Variants in CRACR2A observed in about 807,000 individuals in gnomAD.
CRACR2A encodes EF-hand calcium-binding domain-containing protein 4B.
A neutral mutation model predicts 90.5 loss-of-function variants in CRACR2A; 79 were observed. The ratio of observed to expected loss-of-function variants is 0.87; its 90% CI spans 0.73 to 1.05. The LOEUF is 1.05. Among genes scored for constraint, CRACR2A ranks in the 50% least tolerant of loss-of-function variants. The pLI, the probability that CRACR2A is intolerant of heterozygous loss-of-function variation, is 0.00. For synonymous variants in CRACR2A, 338 were observed against 356.7 expected (o/e 0.95, Z 0.59); for missense variants, 823 against 897.2 (o/e 0.92, Z 1.06).
chr12:3,741,031 C>T (rs1946517076), intron 1 of CRACR2A, among the ~76,000 whole-genome samples: 1 of 152,180 alleles, frequency 6.6e-6, no homozygotes, highest in Non-Finnish European at 1.5e-5. Context: ...TGCCTCCACC[C>T]TCTACATCCC....
intron 1 of CRACR2A, among the ~76,000 whole-genome samples, chr12:3,740,845 C>T (rs1946513825): frequency 6.6e-6 from 1 of 152,176 alleles, no homozygotes; most frequent in Admixed American, 6.5e-5. Context: ...CCTCAGTTTC[C>T]TCACCTTTAA....
intron 10 of CRACR2A, 65 bp downstream of exon 10, chr12:3,654,147 G>A: frequency 1.3e-6 from 2 of 1,565,146 alleles, no homozygotes; most frequent in Non-Finnish European, 1.7e-6. Flanking sequence ...AGCGGCGAGG[G>A]GACATGCCCA....
At chr12:3,654,517 C>T in intron 9 of CRACR2A, 118 bp from the exon 10 acceptor site, 1 of 952,556 alleles carries the variant, frequency 1.0e-6, no homozygotes, top group Non-Finnish European at 1.5e-6. Flanking sequence ...TGCCACCCCT[C>T]ACTGGCCTCA....
chr12:3,678,901 C>A lies in CRACR2A; in HGVS notation c.524+14G>T. The A allele has an allele frequency of 6.3e-7, 1 of 1,591,798 alleles. No homozygotes were observed. The highest frequency in any genetic ancestry group is 8.5e-7 in the Non-Finnish European group (1 of 1,170,582). On this transcript the variant is annotated intron_variant, in intron 6 of 19. Coordinates refer to ENST00000440314, the MANE Select transcript of CRACR2A (RefSeq NM_001144958.2). The stretch of plus-strand genomic sequence containing the variant: ...AGGCTGGTCTCCGTTCTACAAATCA[C>A]TGTCACCACTTACTCTTCCAACACC...
intron 2 of CRACR2A, among the ~76,000 whole-genome samples, chr12:3,721,487 G>T (rs1946174090): frequency 6.6e-6 from 1 of 151,824 alleles, no homozygotes; most frequent in African/African-American, 2.4e-5. Flanking sequence ...CTAGCTACTT[G>T]GGAGGCTCTC....
chr12:3,622,947 A>G (rs776038979), intron 17 of CRACR2A, among the ~76,000 whole-genome samples: 1 of 152,234 alleles, frequency 6.6e-6, no homozygotes, highest in African/African-American at 2.4e-5. Context: ...CATGCTGTAC[A>G]TTGTCACCAA....
intron 9 of CRACR2A, 72 bp downstream of exon 9, chr12:3,656,239 A>G (rs1677804183): frequency 4.8e-6 from 7 of 1,453,536 alleles, no homozygotes; most frequent in South Asian, 1.1e-5. Flanking sequence ...AATGGCAGGG[A>G]AAGTGGGCAA....
chr12:3,683,632 TA>T (rs1178623422), intron 4 of CRACR2A, among the ~76,000 whole-genome samples: 1 of 152,218 alleles, frequency 6.6e-6, no homozygotes, highest in African/African-American at 2.4e-5. Flanking sequence ...CTCTCATTCA[TA>T]AATCTTTCCC....
chr12:3,645,393 G>A (rs1009721676), intron 11 of CRACR2A, among the ~76,000 whole-genome samples: 2 of 152,208 alleles, frequency 1.3e-5, no homozygotes, highest in Non-Finnish European at 2.9e-5. Context: ...GAGTAGTTAG[G>A]AGATGAAGCG....
intron 1 of CRACR2A, among the ~76,000 whole-genome samples, chr12:3,744,561 G>A (rs1231008144): frequency 6.6e-6 from 1 of 152,234 alleles, no homozygotes; most frequent in Non-Finnish European, 1.5e-5. Flanking sequence ...CATCTGGAAA[G>A]GGTGGGTGAT....
In CRACR2A at chr12:3,627,657, G is replaced by A; in HGVS notation, c.1785C>T (p.Ala595=). ...GCCCAGCCGTGTCCCACAGCTGCAGGGCCACCTGAGAGTTGTCCACATTCA... is the reference window on the plus strand; with the variant it reads ...GCCCAGCCGTGTCCCACAGCTGCAGAGCCACCTGAGAGTTGTCCACATTCA... The part of the protein sequence containing the change: ...KTLNVDNSQV[A]LQLWDTAGQE... The change falls in exon 16 of 20, where the codon GCC becomes GCT. Residue 595 remains alanine (A), a synonymous_variant. Coordinates refer to ENST00000440314, the MANE Select transcript of CRACR2A (RefSeq NM_001144958.2). 1.3e-6 allele frequency: 2 copies of A among 1,551,748 alleles called. No individual in the cohort carries two copies. The highest frequency in any genetic ancestry group is 1.7e-6 in the Non-Finnish European group (2 of 1,147,000).
intron 7 of CRACR2A, among the ~76,000 whole-genome samples, chr12:3,668,486 C>T (rs1283044319): frequency 1.3e-5 from 2 of 152,130 alleles, no homozygotes; most frequent in East Asian, 3.9e-4. Flanking sequence ...ACCTACCATT[C>T]AAGAACTATG....
intron 6 of CRACR2A, among the ~76,000 whole-genome samples, chr12:3,674,287 C>T (rs552434662): frequency 5.3e-5 from 8 of 152,118 alleles, no homozygotes; most frequent in African/African-American, 1.7e-4. Flanking sequence ...CTGAAAGATG[C>T]GCACACACAG....
chr12:3,659,184 C>T (rs2137496538), intron 8 of CRACR2A, among the ~76,000 whole-genome samples: 1 of 152,282 alleles, frequency 6.6e-6, no homozygotes, highest in East Asian at 1.9e-4. Flanking sequence ...TCCAATTTAA[C>T]AGGGAAAGCA....
At chr12:3,694,769 G>A (rs1034507923) in intron 4 of CRACR2A, among the ~76,000 whole-genome samples, 1 of 152,182 alleles carries the variant, frequency 6.6e-6, no homozygotes, top group African/African-American at 2.4e-5. Flanking sequence ...TCCCTCTCTT[G>A]ACAGCACTTG....
At chr12:3,730,091 A>C (rs1946337604) in intron 2 of CRACR2A, 1 of 152,208 alleles carries the variant, frequency 6.6e-6, no homozygotes, top group Non-Finnish European at 1.5e-5. Flanking sequence ...CATACAGAAG[A>C]TTAACAGAAA....
At chr12:3,745,773 C>T (rs991483656) in intron 1 of CRACR2A, among the ~76,000 whole-genome samples, 25 of 20,986 alleles carry the variant, frequency 1.2e-3, no homozygotes, top group Admixed American at 7.0e-3. Flanking sequence ...AACAAAACTT[C>T]GTCTCAAAAA....
At chr12:3,734,145 T>A (rs184477143) in intron 1 of CRACR2A, among the ~76,000 whole-genome samples, 165 of 151,544 alleles carry the variant, frequency 1.1e-3, no homozygotes, top group Middle Eastern at 6.8e-3. Flanking sequence ...TAATTTTTTT[T>A]AAAAAATATT....
At chr12:3,664,972 A>C (rs573373336) in intron 7 of CRACR2A, among the ~76,000 whole-genome samples, 1 of 152,368 alleles carries the variant, frequency 6.6e-6, no homozygotes, top group South Asian at 2.1e-4. Context: ...AGGCCACTGC[A>C]CTCCAACCTG....
Sources: allele counts gnomAD v4.1 joint callset (sites outside exome capture counted in the v4.1 genomes callset), GRCh38; gene constraint gnomAD v4.1.1; transcripts MANE v1.5; gene names NCBI Gene and HGNC (gene_info 2026-07-23, HGNC 2026-07-21).